The following SDHC variants were observed in gnomAD, a reference collection of about 807,000 sequenced individuals.
The protein encoded by SDHC is succinate dehydrogenase complex subunit C.
In SDHC, 11 loss-of-function variants were observed where a neutral mutation model predicts 22.6. The observed-to-expected ratio is 0.49, with a 90% CI of 0.31 to 0.81. The LOEUF (loss-of-function observed/expected upper bound fraction) is 0.81. Ranked by LOEUF, SDHC falls within the 30% of genes least tolerant of loss-of-function variation. SDHC has a pLI of 0.05. For synonymous variants in SDHC, 80 were observed against 77.8 expected (o/e 1.03, Z -0.15); for missense variants, 160 against 212.0 (o/e 0.75, Z 1.52).
intron 4 of SDHC, among the ~76,000 whole-genome samples, chr1:161,342,630 C>T (rs904358688): frequency 1.3e-5 from 2 of 151,882 alleles, no homozygotes; most frequent in African/African-American, 4.8e-5. Flanking sequence ...TATTCTTCTG[C>T]CTCAACCTCT....
intron 3 of SDHC, among the ~76,000 whole-genome samples, chr1:161,337,306 A>G (rs1330929813): frequency 1.3e-5 from 2 of 152,164 alleles, no homozygotes; most frequent in Non-Finnish European, 2.9e-5. Context: ...GCCTGAATTA[A>G]TCTGAAGATC....
At chr1:161,334,498 G>T (rs1671398835) in intron 3 of SDHC, among the ~76,000 whole-genome samples, 1 of 152,112 alleles carries the variant, frequency 6.6e-6, no homozygotes, top group African/African-American at 2.4e-5. Context: ...AACTTGTGGG[G>T]CATGATCATG....
chr1:161,314,616 G>A, intron 1 of SDHC, 191 bp downstream of exon 1: 5 of 641,010 alleles, frequency 7.8e-6, no homozygotes, highest in Non-Finnish European at 1.4e-5. Flanking sequence ...GCGCTCCGTA[G>A]GGCTTCGGGG....
intron 4 of SDHC, among the ~76,000 whole-genome samples, chr1:161,343,165 G>A (rs892220098): frequency 1.3e-5 from 2 of 152,142 alleles, no homozygotes; most frequent in Non-Finnish European, 2.9e-5. Flanking sequence ...TGGTGGTATT[G>A]GAAAAGTGCT....
At chr1:161,347,341 G>A (rs1162881820) in intron 4 of SDHC, among the ~76,000 whole-genome samples, 3 of 151,836 alleles carry the variant, frequency 2.0e-5, no homozygotes, top group Non-Finnish European at 2.9e-5. Flanking sequence ...TGCAACCTCC[G>A]CCTGCCAGGT....
chr1:161,329,147 C>T (rs952951969), intron 3 of SDHC, among the ~76,000 whole-genome samples: 1 of 152,022 alleles, frequency 6.6e-6, no homozygotes, highest in African/African-American at 2.4e-5. Context: ...ACCTAGTGAT[C>T]CGCCCGCCTC....
chr1:161,358,238 G>T (rs1438947427), intron 5 of SDHC, among the ~76,000 whole-genome samples: 1 of 150,988 alleles, frequency 6.6e-6, no homozygotes, highest in Non-Finnish European at 1.5e-5. Flanking sequence ...AGTAGAGACG[G>T]GATTTTGCCA....
chr1:161,333,669 T>A (rs1671368151), intron 3 of SDHC, among the ~76,000 whole-genome samples: 1 of 152,228 alleles, frequency 6.6e-6, no homozygotes, highest in African/African-American at 2.4e-5. Flanking sequence ...CCCAAAGTGC[T>A]GGGATTACAG....
intron 4 of SDHC, among the ~76,000 whole-genome samples, chr1:161,348,170 T>G (rs1400331346): frequency 2.0e-5 from 3 of 152,122 alleles, no homozygotes; most frequent in Non-Finnish European, 2.9e-5. Flanking sequence ...TGTTTGTTTT[T>G]TTTTGAGATG....
At chr1:161,349,214 G>A (rs887261183) in intron 4 of SDHC, among the ~76,000 whole-genome samples, 1 of 152,126 alleles carries the variant, frequency 6.6e-6, no homozygotes, top group Non-Finnish European at 1.5e-5. Context: ...TGTAAACCCC[G>A]CACTTTGAGA....
intron 4 of SDHC, among the ~76,000 whole-genome samples, chr1:161,347,387 G>A (rs529166804): frequency 6.6e-6 from 1 of 151,946 alleles, no homozygotes; most frequent in Non-Finnish European, 1.5e-5. Context: ...CCGAGTAGCT[G>A]GGATTACAGG....
intron 3 of SDHC, among the ~76,000 whole-genome samples, chr1:161,332,807 T>A (rs1671329138): frequency 6.6e-6 from 1 of 152,062 alleles, no homozygotes. Context: ...AATTTTTGTG[T>A]TTTTAGTAGA....
intron 1 of SDHC, among the ~76,000 whole-genome samples, chr1:161,317,682 C>A (rs1018320327): frequency 8.6e-5 from 13 of 150,438 alleles, no homozygotes; most frequent in Non-Finnish European, 1.6e-4. Flanking sequence ...CTGGCTCAGC[C>A]TCCCAAGCAG....
At chr1:161,358,733 C>G (rs1471636284) in intron 5 of SDHC, among the ~76,000 whole-genome samples, 2 of 151,900 alleles carry the variant, frequency 1.3e-5, no homozygotes, top group African/African-American at 4.8e-5. Flanking sequence ...TCGAGACCAG[C>G]CTTACCAACA....
chr1:161,338,155 C>T (rs1483609823), intron 3 of SDHC, among the ~76,000 whole-genome samples: 1 of 152,114 alleles, frequency 6.6e-6, no homozygotes, highest in African/African-American at 2.4e-5. Context: ...TGTTCTTCCA[C>T]CTTTTATATT....
chr1:161,336,452 T>TA (rs1283571095), intron 3 of SDHC, among the ~76,000 whole-genome samples: 14 of 139,166 alleles, frequency 1.0e-4, no homozygotes, highest in Admixed American at 6.9e-4. Context: ...AGGCTCCGTT[T>TA]CAAAAAAAAA....
At chr1:161,323,524 A>G in intron 1 of SDHC, 90 bp from the exon 2 acceptor site, 2 of 953,898 alleles carry the variant, frequency 2.1e-6, no homozygotes, top group Admixed American at 1.8e-5. Flanking sequence ...CTTACTTTTA[A>G]TCTATCCCTT....
chr1:161,341,384 A>G (rs1161461175), intron 4 of SDHC, among the ~76,000 whole-genome samples: 2 of 152,240 alleles, frequency 1.3e-5, no homozygotes, highest in African/African-American at 4.8e-5. Context: ...TTTACAGACC[A>G]GAATGTCTAT....
At position 161,330,645 on chromosome 1, in the gene SDHC, A is replaced by G. The variant is rs1046970558; in HGVS notation, c.179+2148A>G. 4.6e-5 allele frequency among the ~76,000 whole-genome samples: 7 copies of G among 152,018 alleles called. No individual in the cohort carries two copies. In the East Asian group the frequency reaches 1.2e-3, roughly 25 times the overall value. The stretch of plus-strand genomic sequence containing the variant: ...TTCGGGGTATGACAGTCTTCTTTTC[A>G]TCTTCTCTCTGTCACTTTTAGTCTA... On this transcript the variant is annotated intron_variant, in intron 3 of 5. Coordinates refer to ENST00000367975, the MANE Select transcript of SDHC (RefSeq NM_003001.5).
Sources: gnomAD v4.1 joint callset for allele counts (sites outside exome capture counted in the v4.1 genomes callset) on GRCh38, gnomAD v4.1.1 for gene constraint, MANE v1.5 for transcripts, NCBI Gene and HGNC (gene_info 2026-07-23, HGNC 2026-07-21) for gene names.